The following GRIK2 variants were observed in gnomAD, a reference collection of about 807,000 sequenced individuals.
GRIK2 encodes the protein glutamate ionotropic receptor kainate type subunit 2, also known as glutamate receptor ionotropic, kainate 2.
GRIK2 carries 32 observed loss-of-function variants against 100.3 expected under a neutral mutation model. That is an observed-to-expected ratio of 0.32 (90% CI 0.24 to 0.43). The LOEUF (loss-of-function observed/expected upper bound fraction) is 0.43. GRIK2 is among the 20% of genes least tolerant of loss of function. The probability of loss-of-function intolerance (pLI) is 1.00; values close to 1 mark genes in which losing one functional copy is unlikely to be tolerated. For synonymous variants in GRIK2, 417 were observed against 389.4 expected, an observed-to-expected ratio of 1.07 and a Z score of -0.83; for missense variants, 843 against 1,114.9, an observed-to-expected ratio of 0.76 and a Z score of 3.47.
intron 2 of GRIK2, among the ~76,000 whole-genome samples, chr6:101,519,125 A>G (rs1774738988): frequency 6.6e-6 from 1 of 152,176 alleles, no homozygotes; most frequent in Non-Finnish European, 1.5e-5. Context: ...TCAGCCTGCC[A>G]TTTAATATCT....
intron 2 of GRIK2, among the ~76,000 whole-genome samples, chr6:101,468,655 G>A (rs1459678732): frequency 1.3e-5 from 2 of 152,104 alleles, no homozygotes; most frequent in Admixed American, 1.3e-4. Flanking sequence ...CTTTGAAACG[G>A]GTACGATATA....
intron 14 of GRIK2, among the ~76,000 whole-genome samples, chr6:102,018,152 T>C (rs922503256): frequency 2.5e-4 from 38 of 152,086 alleles, no homozygotes; most frequent in African/African-American, 8.9e-4. Flanking sequence ...AATAATGTAG[T>C]GGGAAGATAT....
intron 14 of GRIK2, among the ~76,000 whole-genome samples, chr6:101,946,765 G>C (rs1273396204): frequency 6.6e-6 from 1 of 152,082 alleles, no homozygotes; most frequent in Non-Finnish European, 1.5e-5. Context: ...TTAAAAGTTG[G>C]AGAGGGGGAT....
intron 2 of GRIK2, chr6:101,430,803 G>A: frequency 4.0e-6 from 1 of 252,188 alleles, no homozygotes; most frequent in South Asian, 6.4e-5. Context: ...TGCCATGGTG[G>A]CCATCACCTG....
intron 2 of GRIK2, among the ~76,000 whole-genome samples, chr6:101,421,812 T>C (rs1582412430): frequency 6.6e-6 from 1 of 152,086 alleles, no homozygotes; most frequent in African/African-American, 2.4e-5. Flanking sequence ...GAAACAACAA[T>C]AGGATTTTTA....
At chr6:101,604,596 A>G (rs114263139) in intron 2 of GRIK2, among the ~76,000 whole-genome samples, 41 of 152,042 alleles carry the variant, frequency 2.7e-4, no homozygotes, top group African/African-American at 9.6e-4. Context: ...ATTCATTTTA[A>G]TCAATGGCCA....
intron 2 of GRIK2, among the ~76,000 whole-genome samples, chr6:101,412,372 A>G (rs2225912): frequency 0.09 from 13,691 of 152,052 alleles, 639 homozygotes; most frequent in South Asian, 0.11. Context: ...CGTTTGTTAA[A>G]TATATTCCTA....
chr6:101,961,808 T>C (rs2128482652), intron 14 of GRIK2, among the ~76,000 whole-genome samples: 1 of 152,200 alleles, frequency 6.6e-6, no homozygotes, highest in Admixed American at 6.5e-5. Flanking sequence ...TCCTTTCTGG[T>C]TGCTGCTGTC....
chr6:101,403,517 A>G (rs1323367257), intron 2 of GRIK2, among the ~76,000 whole-genome samples: 1 of 152,238 alleles, frequency 6.6e-6, no homozygotes, highest in African/African-American at 2.4e-5. Flanking sequence ...TTAAGGGACC[A>G]CCTATACGTT....
intron 2 of GRIK2, among the ~76,000 whole-genome samples, chr6:101,564,510 T>A (rs1295761947): frequency 6.6e-6 from 1 of 152,170 alleles, no homozygotes; most frequent in Non-Finnish European, 1.5e-5. Flanking sequence ...TTGCTCACTG[T>A]GCCTGTATGT....
chr6:101,942,272 C>T (rs1476183868), intron 14 of GRIK2, among the ~76,000 whole-genome samples: 2 of 152,110 alleles, frequency 1.3e-5, no homozygotes, highest in African/African-American at 2.4e-5. Flanking sequence ...AATCGTTTAG[C>T]ATCATCTCCA....
chr6:101,765,226 C>T (rs144496387), intron 7 of GRIK2, among the ~76,000 whole-genome samples: 1 of 152,206 alleles, frequency 6.6e-6, no homozygotes, highest in Non-Finnish European at 1.5e-5. Flanking sequence ...CATTTATTCA[C>T]CTTAATTTGT....
intron 12 of GRIK2, among the ~76,000 whole-genome samples, chr6:101,910,839 C>CACACACACACACACACACACACACACACA: frequency 7.0e-6 from 1 of 143,368 alleles, no homozygotes; most frequent in African/African-American, 2.6e-5. Flanking sequence ...CCAACATACA[C>CACACACACACACACACACACACACACACA]CACACACACA....
At chr6:101,524,309 G>GT (rs1775036385) in intron 2 of GRIK2, among the ~76,000 whole-genome samples, 1 of 151,854 alleles carries the variant, frequency 6.6e-6, no homozygotes, top group South Asian at 2.1e-4. Flanking sequence ...AAAACCACTG[G>GT]TTTTTGGGTT....
intron 11 of GRIK2, among the ~76,000 whole-genome samples, chr6:101,885,044 A>G (rs1327723545): frequency 1.3e-5 from 2 of 152,140 alleles, no homozygotes; most frequent in Non-Finnish European, 2.9e-5. Context: ...ATCGAAGGGT[A>G]TGCCTGCCGG....
At chr6:101,822,700 A>G (rs1409017679) in intron 10 of GRIK2, among the ~76,000 whole-genome samples, 1 of 152,126 alleles carries the variant, frequency 6.6e-6, no homozygotes, top group Non-Finnish European at 1.5e-5. Context: ...TTTGAAGTAG[A>G]CACTATTAGC....
At chr6:101,780,208 C>G (rs149458424) in intron 7 of GRIK2, among the ~76,000 whole-genome samples, 1 of 152,078 alleles carries the variant, frequency 6.6e-6, no homozygotes, top group Non-Finnish European at 1.5e-5. Context: ...CTCCATGGTC[C>G]GTGGAACCAT....
intron 2 of GRIK2, among the ~76,000 whole-genome samples, chr6:101,604,801 T>A (rs1779371705): frequency 6.6e-6 from 1 of 151,984 alleles, no homozygotes; most frequent in African/African-American, 2.4e-5. Flanking sequence ...ATTTTCTTCG[T>A]AGTAATAAGT....
intron 11 of GRIK2, among the ~76,000 whole-genome samples, chr6:101,866,920 A>ATG (rs900642620): frequency 2.7e-5 from 4 of 147,598 alleles, no homozygotes; most frequent in East Asian, 3.9e-4. Context: ...GTGTGTGTGA[A>ATG]TGTGTGTGTG....
Sources: gnomAD v4.1 joint callset for allele counts (sites outside exome capture counted in the v4.1 genomes callset) on GRCh38, gnomAD v4.1.1 for gene constraint, MANE v1.5 for transcripts, NCBI Gene and HGNC (gene_info 2026-07-23, HGNC 2026-07-21) for gene names.